MACROD1: variants seen among roughly 807,000 people sequenced by gnomAD.
MACROD1 encodes the protein ADP-ribose glycohydrolase MACROD1.
Under a neutral mutation model 41.4 loss-of-function variants are expected in MACROD1, and 31 were observed. That is an observed-to-expected ratio of 0.75 (90% CI 0.56 to 1.01). The LOEUF is 1.01. MACROD1 is among the 50% of genes least tolerant of loss of function. The pLI is 0.00. For synonymous variants in MACROD1, 252 were observed against 203.4 expected (o/e 1.24, Z -2.03); for missense variants, 473 against 460.0 (o/e 1.03, Z -0.26).
chr11:64,149,671 A>C (rs1191996507), intron 3 of MACROD1, among the ~76,000 whole-genome samples: 1 of 152,206 alleles, frequency 6.6e-6, no homozygotes, highest in Non-Finnish European at 1.5e-5. Flanking sequence ...GCCACTTTGC[A>C]GCTCAGCAAG....
chr11:64,107,304 G>A (rs1327886450), intron 3 of MACROD1, among the ~76,000 whole-genome samples: 1 of 152,190 alleles, frequency 6.6e-6, no homozygotes, highest in Non-Finnish European at 1.5e-5. Context: ...AATGCCGAGA[G>A]AGAAAGGAAC....
rs114069607 is a variant in MACROD1 at position 64,085,124 on chromosome 11, A to G, written c.517+66115T>C. Reference sequence around the variant, plus strand: ...TTTCAAGCCCATGCAGTGGGGCACCAGGGAGGATTGGGGGTTCTGGGCAGA... The same window carrying G: ...TTTCAAGCCCATGCAGTGGGGCACCGGGGAGGATTGGGGGTTCTGGGCAGA... On this transcript the variant is annotated intron_variant, in intron 3 of 10. Coordinates refer to ENST00000255681, the MANE Select transcript of MACROD1 (RefSeq NM_014067.4). Among the ~76,000 whole-genome samples, 552 of 152,310 alleles carry G rather than the reference A, an allele frequency of 3.6e-3. 1 individual carries two copies. Among genetic ancestry groups the G allele is most frequent in the African/African-American group, 0.013 (532 of 41,566 alleles).
intron 3 of MACROD1, among the ~76,000 whole-genome samples, chr11:64,130,684 C>G (rs1945252511): frequency 6.6e-6 from 1 of 152,074 alleles, no homozygotes; most frequent in Admixed American, 6.5e-5. Flanking sequence ...GCTTCCAGGA[C>G]CCCCCCACAC....
At chr11:64,039,080 C>T (rs1590823900) in intron 3 of MACROD1, among the ~76,000 whole-genome samples, 1 of 152,248 alleles carries the variant, frequency 6.6e-6, no homozygotes, top group Admixed American at 6.5e-5. Context: ...CTGAGGTGGC[C>T]CTCATCCCCT....
At chr11:64,044,944 CAT>C (rs780645962) in intron 3 of MACROD1, among the ~76,000 whole-genome samples, 3 of 152,312 alleles carry the variant, frequency 2.0e-5, no homozygotes, top group South Asian at 2.1e-4. Flanking sequence ...TCATTTAACA[CAT>C]GTGTCAGGGA....
At chr11:64,012,777 C>G (rs1943033216) in intron 4 of MACROD1, among the ~76,000 whole-genome samples, 2 of 152,186 alleles carry the variant, frequency 1.3e-5, no homozygotes, top group Non-Finnish European at 2.9e-5. Flanking sequence ...CTGAGGTGAT[C>G]CACCTGCCTT....
rs867438399 is a variant in MACROD1, at chr11:64,090,457, G to A, written c.517+60782C>T. Among the ~76,000 whole-genome samples the A allele has an allele frequency of 6.6e-6, 1 of 152,156 alleles. No individual in the cohort carries two copies. Among genetic ancestry groups the A allele is most frequent in the East Asian group, 1.9e-4 (1 of 5,198 alleles). The stretch of plus-strand genomic sequence containing the variant: ...CAGCAGTGGGTCGATAATAATTTAC[G>A]AGGCAGCCCCTGAGGTGGAGGAGGA... On this transcript the variant is annotated intron_variant, in intron 3 of 10. Transcript: ENST00000255681. The surrounding 1 kb of genome is among the most constrained non-coding windows in gnomAD (Gnocchi z 4.7).
intron 3 of MACROD1, among the ~76,000 whole-genome samples, chr11:64,086,294 G>A (rs1331174439): frequency 1.3e-5 from 2 of 152,014 alleles, no homozygotes; most frequent in South Asian, 2.1e-4. Flanking sequence ...TTTAGGAGGC[G>A]TAAAGTGCAT....
intron 3 of MACROD1, among the ~76,000 whole-genome samples, chr11:64,078,016 G>A (rs1010440813): frequency 5.3e-5 from 8 of 152,164 alleles, no homozygotes; most frequent in Admixed American, 1.3e-4. Flanking sequence ...CGCTCTCCCC[G>A]TGCCCAAGGC....
At chr11:64,088,215 T>G (rs528984475) in intron 3 of MACROD1, among the ~76,000 whole-genome samples, 1 of 151,682 alleles carries the variant, frequency 6.6e-6, no homozygotes, top group Non-Finnish European at 1.5e-5. Context: ...GGTGGGGAGG[T>G]TGGTAAAAGT....
At chr11:64,133,204 G>A (rs1565252934) in intron 3 of MACROD1, among the ~76,000 whole-genome samples, 1 of 152,218 alleles carries the variant, frequency 6.6e-6, no homozygotes, top group Non-Finnish European at 1.5e-5. Flanking sequence ...GCTACACAGG[G>A]AGCAAGGACT....
intron 1 of MACROD1, among the ~76,000 whole-genome samples, chr11:64,154,080 G>A (rs1214463969): frequency 1.3e-5 from 2 of 152,082 alleles, no homozygotes; most frequent in Non-Finnish European, 1.5e-5. Flanking sequence ...CCTTCCCTGT[G>A]GACAGGAAGT....
chr11:64,147,911 T>A (rs936412846), intron 3 of MACROD1, among the ~76,000 whole-genome samples: 16 of 152,020 alleles, frequency 1.1e-4, no homozygotes, highest in African/African-American at 2.9e-4. Context: ...CCGTATTATT[T>A]TTTTTTTTGT....
intron 3 of MACROD1, among the ~76,000 whole-genome samples, chr11:64,092,499 C>T (rs1419064753): frequency 6.6e-6 from 1 of 152,346 alleles, no homozygotes; most frequent in Middle Eastern, 3.4e-3. Context: ...GGTCTTGACA[C>T]AGCATCCACG....
chr11:63,998,691 A>G lies in MACROD1; in HGVS notation c.*31-4T>C. On this transcript the variant is annotated splice_region_variant and splice_polypyrimidine_tract_variant and intron_variant, in intron 10 of 10. Transcript: ENST00000255681. ...GAGCGGGGTCCCGAAGGCGGGTCTG[A>G]GGGCAGAGCAGAGTCAGAGGTGTCT... 2.2e-6 allele frequency: 3 copies of G among 1,348,590 alleles called. No homozygotes were observed. Among genetic ancestry groups the G allele is most frequent in the Non-Finnish European group, 2.8e-6 (3 of 1,053,546 alleles). The allele number at this position is 1,348,590 out of a possible 1,614,324, so 83.5% of individuals were successfully genotyped here. A position where few individuals can be genotyped will look rare whatever the true frequency, so the allele number is the denominator to read the frequency against.
At chr11:64,005,352 C>T (rs1023509599) in intron 4 of MACROD1, among the ~76,000 whole-genome samples, 4 of 152,240 alleles carry the variant, frequency 2.6e-5, no homozygotes, top group Admixed American at 1.3e-4. Context: ...TAACCCTCAT[C>T]GTACAGAAGT....
chr11:64,077,777 A>G (rs1944229968), intron 3 of MACROD1, among the ~76,000 whole-genome samples: 1 of 152,214 alleles, frequency 6.6e-6, no homozygotes, highest in Admixed American at 6.5e-5. Context: ...CCGTGGCTGG[A>G]CTGGGCCCTG....
At chr11:64,009,366 C>A (rs1942966479) in intron 4 of MACROD1, among the ~76,000 whole-genome samples, 2 of 152,184 alleles carry the variant, frequency 1.3e-5, no homozygotes, top group Non-Finnish European at 1.5e-5. Context: ...GCCCATCAAG[C>A]CTTCCTGAAG....
At chr11:64,053,996 G>A (rs975452762) in intron 3 of MACROD1, among the ~76,000 whole-genome samples, 14 of 152,306 alleles carry the variant, frequency 9.2e-5, no homozygotes, top group Admixed American at 7.8e-4. Context: ...TCTGCACTGT[G>A]ATCTAGTTGA....
Sources: gnomAD v4.1 joint callset for allele counts (sites outside exome capture counted in the v4.1 genomes callset) on GRCh38, gnomAD v4.1.1 for gene constraint, Gnocchi (gnomAD v3.1) non-coding constraint, MANE v1.5 for transcripts, NCBI Gene and HGNC (gene_info 2026-07-23, HGNC 2026-07-21) for gene names.